PDGFRA: variants seen among roughly 807,000 people sequenced by gnomAD.
The protein encoded by PDGFRA is platelet derived growth factor receptor alpha, also known as platelet-derived growth factor receptor alpha.
Under a neutral mutation model 121.5 loss-of-function variants are expected in PDGFRA, and 25 were observed. The observed-to-expected ratio is 0.21, with a 90% CI of 0.15 to 0.29. The LOEUF (loss-of-function observed/expected upper bound fraction) is 0.29, where lower values mean the gene tolerates loss of function less well. PDGFRA is among the 10% of genes least tolerant of loss of function. The probability of loss-of-function intolerance (pLI) is 1.00; values close to 1 mark genes in which losing one functional copy is unlikely to be tolerated. For synonymous variants in PDGFRA, 463 were observed against 494.8 expected (o/e 0.94, Z 0.85); for missense variants, 1,008 against 1,345.1 (o/e 0.75, Z 3.92).
rs1553901971 is a variant in PDGFRA at position 54,258,825 on chromosome 4, G to A, written c.49+8G>A. 9 of 1,611,872 alleles carry A rather than the reference G, an allele frequency of 5.6e-6. No homozygotes were observed. Among genetic ancestry groups the A allele is most frequent in the Non-Finnish European group, 7.6e-6 (9 of 1,177,970 alleles). The stretch of plus-strand genomic sequence containing the variant: ...TAGGCTGTCTTCTCACAGGTACGGA[G>A]CCCAGTCCTCTCTGAGTTCCTTGTT... On this transcript the variant is annotated splice_region_variant and intron_variant, in intron 2 of 22. Coordinates refer to ENST00000257290, the MANE Select transcript of PDGFRA (RefSeq NM_006206.6).
intron 1 of PDGFRA, among the ~76,000 whole-genome samples, chr4:54,237,381 G>C (rs1401409812): frequency 6.6e-6 from 1 of 152,166 alleles, no homozygotes; most frequent in East Asian, 1.9e-4. Context: ...GCACTGCTTA[G>C]AGCTTGCACA....
At chr4:54,274,739 G>C (rs2110298207) in intron 11 of PDGFRA, 102 bp from the exon 12 acceptor site, 1 of 1,473,798 alleles carries the variant, frequency 6.8e-7, no homozygotes, top group Non-Finnish European at 9.5e-7. Context: ...TGGAGTGAAC[G>C]TTGTTGGACT....
intron 7 of PDGFRA, among the ~76,000 whole-genome samples, chr4:54,268,768 C>T (rs999564541): frequency 1.3e-5 from 2 of 152,206 alleles, no homozygotes; most frequent in African/African-American, 4.8e-5. Flanking sequence ...GGGCAGCTTT[C>T]CACGAGGAAC....
chr4:54,269,622 T>TC (rs1178861917), intron 7 of PDGFRA, among the ~76,000 whole-genome samples: 3 of 151,270 alleles, frequency 2.0e-5, no homozygotes, highest in Non-Finnish European at 4.4e-5. Context: ...TTTTTTTTTT[T>TC]GAAGAGGCAT....
At chr4:54,253,266 C>G (rs1336023857) in intron 1 of PDGFRA, among the ~76,000 whole-genome samples, 1 of 152,204 alleles carries the variant, frequency 6.6e-6, no homozygotes. Flanking sequence ...AAAACCAAAG[C>G]ACTTTCCATT....
chr4:54,284,857 T>C (rs1724250075), intron 16 of PDGFRA, among the ~76,000 whole-genome samples: 1 of 150,902 alleles, frequency 6.6e-6, no homozygotes, highest in Non-Finnish European at 1.5e-5. Flanking sequence ...CATATCTCTT[T>C]CCTTTCTTTC....
At chr4:54,268,323 C>T (rs554203475) in intron 7 of PDGFRA, among the ~76,000 whole-genome samples, 7 of 152,158 alleles carry the variant, frequency 4.6e-5, no homozygotes, top group Non-Finnish European at 7.3e-5. Context: ...TTGAATGAGT[C>T]ACCCCTCAGC....
chr4:54,253,672 A>G (rs1722190364), intron 1 of PDGFRA, among the ~76,000 whole-genome samples: 1 of 152,084 alleles, frequency 6.6e-6, no homozygotes, highest in African/African-American at 2.4e-5. Context: ...AGGGGTTGTT[A>G]TCCCTGATTC....
intron 16 of PDGFRA, chr4:54,281,708 A>G (rs1181481308): frequency 4.4e-6 from 6 of 1,358,024 alleles, no homozygotes; most frequent in Admixed American, 2.3e-5. Flanking sequence ...GTGAATGGCT[A>G]GAGCTACTCT....
At chr4:54,261,054 T>A in intron 2 of PDGFRA, 41 bp from the exon 3 acceptor site, 2 of 1,580,282 alleles carry the variant, frequency 1.3e-6, no homozygotes, top group Non-Finnish European at 1.7e-6. Flanking sequence ...GAGACTGTCC[T>A]TTCTGACTGC....
intron 11 of PDGFRA, 51 bp downstream of exon 11, chr4:54,274,676 C>A: frequency 6.7e-7 from 1 of 1,491,968 alleles, no homozygotes; most frequent in Non-Finnish European, 9.4e-7. Flanking sequence ...TGAGAACAAG[C>A]ATAGCAACCT....
At chr4:54,276,529 C>G (rs1723737425) in intron 12 of PDGFRA, among the ~76,000 whole-genome samples, 1 of 152,140 alleles carries the variant, frequency 6.6e-6, no homozygotes, top group Non-Finnish European at 1.5e-5. Flanking sequence ...ATTTTCCTGC[C>G]TATTTCCCAA....
intron 8 of PDGFRA, among the ~76,000 whole-genome samples, chr4:54,271,751 T>C (rs1723374742): frequency 6.8e-6 from 1 of 147,374 alleles, no homozygotes; most frequent in South Asian, 2.4e-4. Flanking sequence ...ACTCACTCTT[T>C]TCTTTTCCTT....
Position 54,290,571 on chromosome 4 carries a change from C to T in PDGFRA, c.3122+17C>T. 1 of 1,613,920 alleles carries T rather than the reference C, an allele frequency of 6.2e-7. No homozygotes were observed. Among genetic ancestry groups the T allele is most frequent in the Non-Finnish European group, 8.5e-7 (1 of 1,179,970 alleles). On this transcript the variant is annotated intron_variant, in intron 22 of 22. Coordinates refer to ENST00000257290, the MANE Select transcript of PDGFRA (RefSeq NM_006206.6). ...CAGACACAGGTAGCTGTGGGGGCAG[C>T]CTCGGTGTCTCACCTTTCCCCTCCC...
intron 8 of PDGFRA, among the ~76,000 whole-genome samples, chr4:54,272,032 T>C: frequency 9.0e-6 from 1 of 110,910 alleles, no homozygotes; most frequent in Non-Finnish European, 1.7e-5. Flanking sequence ...CCCTTCCCAT[T>C]TTTCTTCTCA....
rs1373319857 is a variant in PDGFRA, at chr4:54,253,169, C to CT, written c.-12-5586dup. ...AGGAAGTGCAGGGCAAGTTATGTGG[C>CT]TTCTGGGGCATCCCTCACTTTCTTA... On this transcript the variant is annotated intron_variant, in intron 1 of 22. Transcript: ENST00000257290. 2.0e-5 allele frequency among the ~76,000 whole-genome samples: 3 copies of CT among 152,292 alleles called. No homozygotes were observed. In the South Asian group the frequency reaches 6.2e-4, roughly 32 times the overall value.
chr4:54,238,334 A>T (rs150321555), intron 1 of PDGFRA, among the ~76,000 whole-genome samples: 205 of 152,158 alleles, frequency 1.3e-3, no homozygotes, highest in African/African-American at 4.8e-3. Context: ...ACCAAACCAA[A>T]CCCAACTAGG....
chr4:54,290,395 A>G lies in PDGFRA; in HGVS notation c.2963A>G (p.Tyr988Cys), dbSNP rs1206479566. The change falls in exon 22 of 23, where the codon TAC becomes TGC. Residue 988 changes from tyrosine to cysteine, a missense_variant. By Grantham distance (194) the Tyr-to-Cys change is radical (BLOSUM62 -2). Coordinates refer to ENST00000257290, the MANE Select transcript of PDGFRA (RefSeq NM_006206.6). The part of the protein sequence containing the change: ...ARMRVDSDNA[Y>C]IGVTYKNEED... ...ATGCGTGTGGACTCAGACAATGCAT[A>G]CATTGGTGTCACCTACAAAAACGAG... 6.2e-7 allele frequency: 1 copy of G among 1,613,546 alleles called. No homozygotes were observed. The highest frequency in any genetic ancestry group is 1.7e-4 in the Middle Eastern group (1 of 6,060).
At chr4:54,249,474 G>C (rs1006853465) in intron 1 of PDGFRA, among the ~76,000 whole-genome samples, 8 of 152,174 alleles carry the variant, frequency 5.3e-5, no homozygotes, top group Non-Finnish European at 8.8e-5. Flanking sequence ...ATGAGTTCAG[G>C]TCCTTTGTAG....
Sources: gnomAD v4.1 joint callset for allele counts (sites outside exome capture counted in the v4.1 genomes callset) on GRCh38, gnomAD v4.1.1 for gene constraint, MANE v1.5 for transcripts, NCBI Gene and HGNC (gene_info 2026-07-23, HGNC 2026-07-21) for gene names.